GHR: variants seen among roughly 807,000 people sequenced by gnomAD.
GHR encodes the protein GH receptor.
A neutral mutation model predicts 67.1 loss-of-function variants in GHR; 35 were observed. That is an observed-to-expected ratio of 0.52 (90% CI 0.40 to 0.69). GHR has a LOEUF of 0.69. GHR is among the 30% of genes least tolerant of loss of function. The pLI is 0.00. For missense variants in GHR, 792 were observed against 764.6 expected, an observed-to-expected ratio of 1.04 and a Z score of -0.42; for synonymous variants, 272 against 269.1, an observed-to-expected ratio of 1.01 and a Z score of -0.10.
intron 1 of GHR, among the ~76,000 whole-genome samples, chr5:42,562,886 C>G (rs572972471): frequency 6.6e-6 from 1 of 152,000 alleles, no homozygotes; most frequent in South Asian, 2.1e-4. Flanking sequence ...CCTGACCTCA[C>G]GATCTGCCTG....
At chr5:42,474,333 GAAAGAAA>G (rs1745193142) in intron 1 of GHR, among the ~76,000 whole-genome samples, 1 of 149,106 alleles carries the variant, frequency 6.7e-6, no homozygotes, top group Admixed American at 6.8e-5. Flanking sequence ...AAGAAAGAAA[GAAAGAAA>G]AGAAATAAAG....
intron 1 of GHR, among the ~76,000 whole-genome samples, chr5:42,476,063 C>A (rs1026731941): frequency 6.6e-6 from 1 of 151,950 alleles, no homozygotes; most frequent in Non-Finnish European, 1.5e-5. Flanking sequence ...AACCACCATG[C>A]CCGGCTAATT....
chr5:42,542,386 A>AGTGG (rs1748552314), intron 1 of GHR, among the ~76,000 whole-genome samples: 1 of 152,214 alleles, frequency 6.6e-6, no homozygotes, highest in South Asian at 2.1e-4. Context: ...GTGGAGATTA[A>AGTGG]AGCCTGATTT....
intron 1 of GHR, among the ~76,000 whole-genome samples, chr5:42,519,228 T>C (rs546794040): frequency 3.3e-4 from 50 of 152,336 alleles, no homozygotes; most frequent in African/African-American, 1.1e-3. Context: ...ATGCTTGTCT[T>C]CAGCCCAAAA....
At chr5:42,447,472 C>A (rs1225523334) in intron 1 of GHR, among the ~76,000 whole-genome samples, 12 of 152,264 alleles carry the variant, frequency 7.9e-5, no homozygotes, top group Admixed American at 4.6e-4. Context: ...GTTTTTATGG[C>A]TGAGTAGTAT....
At chr5:42,602,936 A>T (rs1752451542) in intron 2 of GHR, among the ~76,000 whole-genome samples, 1 of 152,128 alleles carries the variant, frequency 6.6e-6, no homozygotes, top group African/African-American at 2.4e-5. Context: ...ATAGTAATAC[A>T]GTATTCTGTA....
At chr5:42,714,121 T>A (rs1758604941) in intron 8 of GHR, 2 of 153,244 alleles carry the variant, frequency 1.3e-5, no homozygotes, top group Admixed American at 1.3e-4. Context: ...TTGGTCAGAC[T>A]GGTCTCGAAC....
chr5:42,691,998 A>G (rs969602924), intron 4 of GHR, among the ~76,000 whole-genome samples: 1 of 152,064 alleles, frequency 6.6e-6, no homozygotes, highest in African/African-American at 2.4e-5. Context: ...GCATGTGAAC[A>G]CTCAGTCCTT....
intron 1 of GHR, among the ~76,000 whole-genome samples, chr5:42,482,275 GTGTCAGTCCACCCCTGC>G (rs981045279): frequency 3.6e-4 from 55 of 152,300 alleles, no homozygotes; most frequent in African/African-American, 1.3e-3. Flanking sequence ...GCCGTGTGAG[GTGTCAGTCCACCCCTGC>G]TGGGGGGTGC....
rs1467195710 is a variant in GHR, at chr5:42,426,776, T to TCAA, written c.-12+2823_-12+2825dup. ...ATGTCTTTCTGGCAAGTAATTTTTTTCAACCTGAAACAGATAATATAAATA... is the reference window on the plus strand; with the variant it reads ...ATGTCTTTCTGGCAAGTAATTTTTTTCAACAACCTGAAACAGATAATATAAATA... On this transcript the variant is annotated intron_variant, in intron 1 of 9. Transcript: ENST00000230882. Among the ~76,000 whole-genome samples the TCAA allele has an allele frequency of 2.0e-5, 3 of 152,310 alleles. 1 individual carries two copies. The highest frequency in any genetic ancestry group is 7.2e-5 in the African/African-American group (3 of 41,570).
Position 42,561,341 on chromosome 5 carries a change from G to C in GHR, c.-11-4523G>C, listed in dbSNP as rs541298326. 2.0e-5 allele frequency among the ~76,000 whole-genome samples: 3 copies of C among 152,186 alleles called. No individual in the cohort carries two copies. The South Asian group carries it at 6.2e-4, about 32-fold the overall frequency. The stretch of plus-strand genomic sequence containing the variant: ...AAGAACCATTATTTTGATTGCTTTT[G>C]CATTAATCTCCATAGTGCCTTGCTC... On this transcript the variant is annotated intron_variant, in intron 1 of 9. Coordinates refer to ENST00000230882, the MANE Select transcript of GHR (RefSeq NM_000163.5).
intron 6 of GHR, among the ~76,000 whole-genome samples, chr5:42,706,191 G>A (rs1758167393): frequency 6.6e-6 from 1 of 151,930 alleles, no homozygotes; most frequent in Admixed American, 6.6e-5. Context: ...TCATGTTTGT[G>A]TTCTTTTGAA....
At chr5:42,655,485 C>G (rs1350750461) in intron 3 of GHR, among the ~76,000 whole-genome samples, 1 of 152,152 alleles carries the variant, frequency 6.6e-6, no homozygotes, top group Admixed American at 6.6e-5. Flanking sequence ...TTGGCAGACT[C>G]TAAGCCTCTT....
In GHR at chr5:42,719,060, C is replaced by T. The variant is rs758298128; in HGVS notation, c.1553C>T (p.Pro518Leu). The T allele has an allele frequency of 4.3e-6, 7 of 1,610,812 alleles. No individual in the cohort carries two copies. Among genetic ancestry groups the T allele is most frequent in the Non-Finnish European group, 5.1e-6 (6 of 1,177,522 alleles). The change falls in exon 10 of 10, where the codon CCG (proline) becomes CTG (leucine). Residue 518 changes from proline to leucine, a missense_variant. Coordinates refer to ENST00000230882, the MANE Select transcript of GHR (RefSeq NM_000163.5). ...KAGMSQCDMHPEMVSLCQENF... is the reference protein window; with the variant it reads ...KAGMSQCDMHLEMVSLCQENF... ...GGGATGTCCCAATGTGACATGCACC[C>T]GGAAATGGTCTCACTCTGCCAAGAA...
intron 2 of GHR, among the ~76,000 whole-genome samples, chr5:42,575,447 A>G (rs1331126531): frequency 2.6e-5 from 4 of 152,200 alleles, no homozygotes; most frequent in Non-Finnish European, 5.9e-5. Context: ...GGAGAGTCAG[A>G]AAATGAGACG....
At chr5:42,473,508 A>G (rs922744812) in intron 1 of GHR, among the ~76,000 whole-genome samples, 4 of 152,232 alleles carry the variant, frequency 2.6e-5, no homozygotes, top group African/African-American at 7.2e-5. Context: ...ACACTGCAAT[A>G]TGTGGTTTAA....
chr5:42,659,653 C>G (rs1755461945), intron 3 of GHR, among the ~76,000 whole-genome samples: 1 of 152,120 alleles, frequency 6.6e-6, no homozygotes, highest in African/African-American at 2.4e-5. Flanking sequence ...AGGAACAGCT[C>G]CGGTCTACAG....
chr5:42,426,279 C>T (rs1742850881), intron 1 of GHR, among the ~76,000 whole-genome samples: 1 of 152,200 alleles, frequency 6.6e-6, no homozygotes, highest in African/African-American at 2.4e-5. Context: ...GGAAACAAAT[C>T]TTGCAGTTGG....
At chr5:42,520,444 G>A (rs1747424454) in intron 1 of GHR, among the ~76,000 whole-genome samples, 1 of 152,118 alleles carries the variant, frequency 6.6e-6, no homozygotes, top group Non-Finnish European at 1.5e-5. Flanking sequence ...GCCTTTTATA[G>A]CCACATCCTT....
Sources: gnomAD v4.1 joint callset for allele counts (sites outside exome capture counted in the v4.1 genomes callset) on GRCh38, gnomAD v4.1.1 for gene constraint, MANE v1.5 for transcripts, NCBI Gene and HGNC (gene_info 2026-07-23, HGNC 2026-07-21) for gene names.